PFKL: variants seen among roughly 807,000 people sequenced by gnomAD.
PFKL encodes the protein ATP-dependent 6-phosphofructokinase, liver type.
PFKL carries 74 observed loss-of-function variants against 92.1 expected under a neutral mutation model. That is an observed-to-expected ratio of 0.80 (90% CI 0.67 to 0.97). The LOEUF is 0.97. PFKL is among the 50% of genes least tolerant of loss of function. The pLI is 0.00. For missense variants in PFKL, 1,028 were observed against 1,116.6 expected (o/e 0.92, Z 1.13); for synonymous variants, 494 against 456.4 (o/e 1.08, Z -1.05).
Position 44,311,226 on chromosome 21 carries a change from GCACA to G in PFKL, c.237+152_237+155del, listed in dbSNP as rs377163691. ...CAGACACACAGACATGCACACAGAC[GCACA>G]CACACACAGATGTGCACACACACAG... is the stretch of plus-strand genomic sequence containing the variant. On this transcript the variant is annotated intron_variant, in intron 3 of 21. Coordinates refer to ENST00000349048, the MANE Select transcript of PFKL (RefSeq NM_002626.6). 2.2e-4 allele frequency: 138 copies of G among 631,974 alleles called. 1 individual carries two copies. Among genetic ancestry groups the G allele is most frequent in the South Asian group, 1.7e-3 (88 of 53,220 alleles). The allele number at this position is 631,974 out of a possible 1,614,324, so 39.1% of individuals were successfully genotyped here.
chr21:44,319,940 A>G, intron 11 of PFKL, 144 bp from the exon 12 acceptor site: 1 of 695,362 alleles, frequency 1.4e-6, no homozygotes, highest in Non-Finnish European at 2.5e-6. Flanking sequence ...CCTGCCTGGC[A>G]TGCGCGGTGT....
rs201954750 is a variant in PFKL at position 44,324,455 on chromosome 21, C to T, written c.1651-36C>T. The stretch of plus-strand genomic sequence containing the variant: ...CCGACGGCCTACAGGGAAGGGTGGG[C>T]ACGTGGAGGACCCCCGACCCCCCCT... On this transcript the variant is annotated intron_variant, in intron 16 of 21. Transcript: ENST00000349048. 66 of 1,607,644 alleles carry T rather than the reference C, an allele frequency of 4.1e-5. 1 individual carries two copies. Among genetic ancestry groups the T allele is most frequent in the Admixed American group, 1.7e-5 (1 of 59,782 alleles).
intron 21 of PFKL, 44 bp from the exon 22 acceptor site, chr21:44,326,671 T>A: frequency 6.3e-7 from 1 of 1,596,012 alleles, no homozygotes. Flanking sequence ...AGAGCTGCCC[T>A]GACCCCTGAC....
chr21:44,320,187 T>C (rs917043280), intron 12 of PFKL, 40 bp downstream of exon 12: 23 of 1,566,338 alleles, frequency 1.5e-5, no homozygotes, highest in Non-Finnish European at 2.0e-5. Context: ...AGGAACGGGC[T>C]CAGTTATTCT....
At chr21:44,309,013 T>C (rs959166188) in intron 2 of PFKL, among the ~76,000 whole-genome samples, 1 of 152,124 alleles carries the variant, frequency 6.6e-6, no homozygotes, top group African/African-American at 2.4e-5. Context: ...TCACTGTTCC[T>C]TTCTCCAGCA....
chr21:44,305,937 T>G (rs759998767), intron 1 of PFKL: 5 of 1,356,532 alleles, frequency 3.7e-6, no homozygotes, highest in Middle Eastern at 2.2e-4. Flanking sequence ...GGCTGGGGGG[T>G]GAGGGTCCCT....
Position 44,325,235 on chromosome 21 carries a change from A to G in PFKL, c.1960A>G (p.Arg654Gly). ...AGAGGGCAAGGGCGTCTTCGACTGC[A>G]GGACCAATGTCCTGGGCCACCTGCA... ...SSEGKGVFDC[R>G]TNVLGHLQQG... Residue 654 changes from arginine to glycine, a missense_variant, in exon 19 of 22, where the codon AGG becomes GGG. Physicochemically the swap from Arg to Gly is moderately radical, Grantham distance 125. Transcript: ENST00000349048. 2 of 1,612,294 alleles carry G rather than the reference A, an allele frequency of 1.2e-6. No homozygotes were observed. Among genetic ancestry groups the G allele is most frequent in the Non-Finnish European group, 1.7e-6 (2 of 1,179,042 alleles).
At chr21:44,300,256 G>A (rs1277786938) in intron 1 of PFKL, 66 bp downstream of exon 1, 2 of 791,312 alleles carry the variant, frequency 2.5e-6, no homozygotes, top group Non-Finnish European at 3.1e-6. Flanking sequence ...TGGCCTCTCC[G>A]GAGCGCCCGC....
At chr21:44,302,187 A>G (rs936477162) in intron 1 of PFKL, among the ~76,000 whole-genome samples, 1 of 152,214 alleles carries the variant, frequency 6.6e-6, no homozygotes. Context: ...CTGCTGGCCG[A>G]TCATGGCATC....
intron 2 of PFKL, among the ~76,000 whole-genome samples, chr21:44,309,282 A>G (rs1020616868): frequency 1.3e-5 from 2 of 152,060 alleles, no homozygotes; most frequent in African/African-American, 4.8e-5. Flanking sequence ...CAGTTCTGAC[A>G]CAAAGGAGGG....
At chr21:44,301,919 G>A (rs9983978) in intron 1 of PFKL, among the ~76,000 whole-genome samples, 51,695 of 152,000 alleles carry the variant, frequency 0.34, 9,901 homozygotes, top group African/African-American at 0.52. Flanking sequence ...AGGGGGGCTC[G>A]CTGGAGGTTG....
At chr21:44,314,064 G>C in intron 7 of PFKL, 43 bp downstream of exon 7, 4 of 1,362,040 alleles carry the variant, frequency 2.9e-6, no homozygotes, top group Non-Finnish European at 4.1e-6. Context: ...GTGTCCTGGT[G>C]CACTGGGTAG....
chr21:44,324,287 G>C, intron 16 of PFKL: 1 of 609,096 alleles, frequency 1.6e-6, no homozygotes, highest in Non-Finnish European at 2.9e-6. Flanking sequence ...CTGTGCCCTG[G>C]GGGGTGGGGT....
chr21:44,306,660 G>C, intron 1 of PFKL, 21 bp from the exon 2 acceptor site: 3 of 1,610,644 alleles, frequency 1.9e-6, no homozygotes, highest in Non-Finnish European at 2.5e-6. Flanking sequence ...GGGACTGACA[G>C]GTTTGCCCTG....
At chr21:44,305,641 G>A (rs1972269) in intron 1 of PFKL, among the ~76,000 whole-genome samples, 49,426 of 151,954 alleles carry the variant, frequency 0.33, 8,379 homozygotes, top group East Asian at 0.62. Flanking sequence ...GGCCGCTGGC[G>A]TGGGTTTCCT....
chr21:44,315,839 T>C (rs1224804237), intron 7 of PFKL: 10 of 240,758 alleles, frequency 4.2e-5, no homozygotes, highest in East Asian at 2.2e-4. Flanking sequence ...CCCAGGTACC[T>C]GGCCCAGGCT....
In PFKL at chr21:44,318,535, C is replaced by T. The variant is rs750589999; in HGVS notation, c.1002C>T (p.Cys334=). The T allele has an allele frequency of 3.8e-5, 60 of 1,579,008 alleles. No individual in the cohort carries two copies. In the Admixed American group the frequency reaches 4.8e-4, roughly 13 times the overall value. The change falls in exon 10 of 22, where the codon TGC becomes TGT. Residue 334 remains cysteine, a synonymous_variant. Transcript: ENST00000349048. The stretch of plus-strand genomic sequence containing the variant: ...AAGCCACGCCTGACACGCCGGCCTG[C>T]GTGGTCACCCTCTCGGGGAACCAGT... The part of the protein sequence containing the change: ...LLEATPDTPA[C]VVTLSGNQSV...
intron 2 of PFKL, chr21:44,307,156 C>T (rs961750015): frequency 2.5e-6 from 1 of 407,410 alleles, no homozygotes; most frequent in Non-Finnish European, 3.3e-6. Context: ...GGGACCTCAC[C>T]GCCTCTGCCC....
At position 44,320,120 on chromosome 21, in the gene PFKL, C is replaced by G; in HGVS notation, c.1164C>G (p.Leu388=). Residue 388 remains leucine, a synonymous_variant, in exon 12 of 22, where the codon CTC becomes CTG. Transcript: ENST00000349048. ...FENNWNIYKL[L]AHQKPPKEKS... ...ACAACTGGAACATTTACAAGCTCCT[C>G]GCCCACCAGAAGCCCCCCAAGGAGA... 1 of 1,613,480 alleles carries G rather than the reference C, an allele frequency of 6.2e-7. No homozygotes were observed. The highest frequency in any genetic ancestry group is 1.7e-5 in the Admixed American group (1 of 60,010).
Sources: gnomAD v4.1 joint callset for allele counts (sites outside exome capture counted in the v4.1 genomes callset) on GRCh38, gnomAD v4.1.1 for gene constraint, MANE v1.5 for transcripts, NCBI Gene and HGNC (gene_info 2026-07-23, HGNC 2026-07-21) for gene names.